Variants in CATSPERE observed in about 807,000 individuals in gnomAD.
CATSPERE encodes the protein cation channel sperm-associated auxiliary subunit epsilon.
A neutral mutation model predicts 114.1 loss-of-function variants in CATSPERE; 93 were observed. The ratio of observed to expected loss-of-function variants is 0.81; its 90% CI spans 0.69 to 0.97. The LOEUF (loss-of-function observed/expected upper bound fraction) is 0.97. CATSPERE is among the 50% of genes least tolerant of loss of function. The pLI is 0.00. For missense variants in CATSPERE, 1,058 were observed against 1,131.6 expected, an observed-to-expected ratio of 0.93 and a Z score of 0.93; for synonymous variants, 341 against 384.1, an observed-to-expected ratio of 0.89 and a Z score of 1.31.
chr1:244,491,654 A>G (rs1027032930), intron 6 of CATSPERE, among the ~76,000 whole-genome samples: 13 of 152,220 alleles, frequency 8.5e-5, no homozygotes, highest in Non-Finnish European at 1.6e-4. Context: ...TGAATCCAGG[A>G]GCTGGTTTTT....
intron 10 of CATSPERE, among the ~76,000 whole-genome samples, chr1:244,562,263 A>G (rs1662688305): frequency 6.6e-6 from 1 of 152,086 alleles, no homozygotes; most frequent in Admixed American, 6.6e-5. Context: ...TAGATATAAA[A>G]CGAATGCCAT....
At chr1:244,632,463 A>G (rs569188873) in intron 20 of CATSPERE, among the ~76,000 whole-genome samples, 39 of 152,002 alleles carry the variant, frequency 2.6e-4, no homozygotes, top group Non-Finnish European at 5.0e-4. Context: ...AACATGTAAT[A>G]AAAGTAAAAT....
chr1:244,629,849 A>C (rs1673701770), intron 20 of CATSPERE, among the ~76,000 whole-genome samples: 1 of 151,006 alleles, frequency 6.6e-6, no homozygotes, highest in African/African-American at 2.4e-5. Context: ...CATGTTGGCC[A>C]GGCTGGTCTC....
At chr1:244,564,166 A>G (rs1002265092) in intron 10 of CATSPERE, among the ~76,000 whole-genome samples, 18 of 152,174 alleles carry the variant, frequency 1.2e-4, no homozygotes, top group Non-Finnish European at 2.1e-4. Flanking sequence ...CTTGTAGTAT[A>G]GTTTCAAGTC....
chr1:244,595,932 C>CAAAAAAAAAA (rs1668351970), intron 17 of CATSPERE, among the ~76,000 whole-genome samples: 1 of 150,122 alleles, frequency 6.7e-6, no homozygotes, highest in Non-Finnish European at 1.5e-5. Flanking sequence ...GACTCCGTCT[C>CAAAAAAAAAA]AAAAAAGAAA....
rs1372977233 is a variant in CATSPERE, at chr1:244,607,191, C to G, written c.2403+1397C>G. Among the ~76,000 whole-genome samples, 1 of 152,186 alleles carries G rather than the reference C, an allele frequency of 6.6e-6. No individual in the cohort carries two copies. The highest frequency in any genetic ancestry group is 2.4e-5 in the African/African-American group (1 of 41,436). On this transcript the variant is annotated intron_variant, in intron 18 of 21. Transcript: ENST00000366534. The surrounding 1 kb of genome is among the most constrained non-coding windows in gnomAD (Gnocchi z 4.4). ...CGAACCAAGAGTACTCTTTCTCTCA[C>G]CCCATATACTTAAGGGTGAGATTTG... is the stretch of plus-strand genomic sequence containing the variant.
chr1:244,479,685 T>G (rs1448544038), intron 4 of CATSPERE, 32 bp from the exon 5 acceptor site: 2 of 1,381,034 alleles, frequency 1.4e-6, no homozygotes, highest in Non-Finnish European at 2.1e-6. Context: ...TTAATGTTAA[T>G]ATATCACAGT....
At chr1:244,509,907 T>C (rs946419045) in intron 7 of CATSPERE, among the ~76,000 whole-genome samples, 21 of 152,346 alleles carry the variant, frequency 1.4e-4, no homozygotes, top group African/African-American at 4.8e-4. Flanking sequence ...TGAAGGTTTG[T>C]GGATCCACAT....
At chr1:244,621,214 T>TAG (rs56940000) in intron 20 of CATSPERE, among the ~76,000 whole-genome samples, 17,214 of 20,930 alleles carry the variant, frequency 0.82, 7,913 homozygotes, top group South Asian at 0.94. Flanking sequence ...TATATTTATA[T>TAG]ATATATTTAT....
At chr1:244,557,677 G>A (rs1228330100) in intron 9 of CATSPERE, among the ~76,000 whole-genome samples, 2 of 147,194 alleles carry the variant, frequency 1.4e-5, no homozygotes, top group Non-Finnish European at 3.0e-5. Context: ...CCTACTTGAG[G>A]TTCAATTGAG....
At chr1:244,579,106 G>A (rs1224520109) in intron 11 of CATSPERE, among the ~76,000 whole-genome samples, 1 of 151,972 alleles carries the variant, frequency 6.6e-6, no homozygotes, top group African/African-American at 2.4e-5. Context: ...GCTGTGATAT[G>A]CAATTTACTG....
intron 7 of CATSPERE, among the ~76,000 whole-genome samples, chr1:244,512,431 G>T (rs929023138): frequency 7.2e-5 from 11 of 151,984 alleles, no homozygotes; most frequent in African/African-American, 2.4e-4. Context: ...CTCTCATTCA[G>T]ATCTTGAATT....
At chr1:244,517,221 AT>A (rs568514954) in intron 7 of CATSPERE, among the ~76,000 whole-genome samples, 3 of 151,892 alleles carry the variant, frequency 2.0e-5, no homozygotes, top group Non-Finnish European at 2.9e-5. Flanking sequence ...AAAAATATAT[AT>A]TTTTAAGCTT....
intron 8 of CATSPERE, among the ~76,000 whole-genome samples, chr1:244,541,817 C>T (rs1448067484): frequency 3.5e-5 from 5 of 142,182 alleles, no homozygotes; most frequent in African/African-American, 1.0e-4. Flanking sequence ...CCATGGAATA[C>T]TATGCAGCCA....
intron 8 of CATSPERE, among the ~76,000 whole-genome samples, chr1:244,524,959 T>C (rs985672000): frequency 6.8e-6 from 1 of 146,502 alleles, no homozygotes; most frequent in African/African-American, 2.7e-5. Flanking sequence ...GAACTAGAAA[T>C]ACCATTTGAC....
intron 1 of CATSPERE, among the ~76,000 whole-genome samples, chr1:244,463,182 GT>G (rs900040574): frequency 6.6e-6 from 1 of 152,002 alleles, no homozygotes; most frequent in African/African-American, 2.4e-5. Context: ...AATTTGTTTA[GT>G]TTTAATTAAA....
intron 9 of CATSPERE, among the ~76,000 whole-genome samples, chr1:244,555,821 C>T (rs1188613419): frequency 6.6e-6 from 1 of 152,088 alleles, no homozygotes; most frequent in Non-Finnish European, 1.5e-5. Flanking sequence ...GAAAGCACTC[C>T]TATTTACAAT....
At chr1:244,563,459 A>G (rs1446066381) in intron 10 of CATSPERE, among the ~76,000 whole-genome samples, 1 of 152,182 alleles carries the variant, frequency 6.6e-6, no homozygotes, top group Non-Finnish European at 1.5e-5. Flanking sequence ...TCACCATTCT[A>G]ACTGACGTGA....
In CATSPERE at chr1:244,608,061, C is replaced by T. The variant is rs188439586; in HGVS notation, c.2404-2179C>T. Among the ~76,000 whole-genome samples the T allele has an allele frequency of 2.5e-3, 381 of 152,126 alleles. 5 individuals are homozygous for T. Among genetic ancestry groups the T allele is most frequent in the East Asian group, 0.014 (71 of 5,172 alleles). ...AGCGGAGGTTGCAGTGAGCTGAGAT[C>T]GCGCCACTGCCCTCCAGTCTGGGTG... On this transcript the variant is annotated intron_variant, in intron 18 of 21. Transcript: ENST00000366534.
Sources: gnomAD v4.1 joint callset for allele counts (sites outside exome capture counted in the v4.1 genomes callset) on GRCh38, gnomAD v4.1.1 for gene constraint, Gnocchi (gnomAD v3.1) non-coding constraint, MANE v1.5 for transcripts, NCBI Gene and HGNC (gene_info 2026-07-23, HGNC 2026-07-21) for gene names.